The following TDRKH variants were observed in gnomAD, a reference collection of about 807,000 sequenced individuals.
TDRKH encodes tudor and KH domain containing, also known as tudor and KH domain-containing protein.
A neutral mutation model predicts 61.3 loss-of-function variants in TDRKH; 28 were observed. The ratio of observed to expected loss-of-function variants is 0.46; its 90% CI spans 0.34 to 0.63. The LOEUF is 0.63. Ranked by LOEUF, TDRKH falls within the 20% of genes least tolerant of loss-of-function variation. The probability of loss-of-function intolerance (pLI) is 0.01; values close to 1 mark genes in which losing one functional copy is unlikely to be tolerated. For synonymous variants in TDRKH, 219 were observed against 244.4 expected, an observed-to-expected ratio of 0.90 and a Z score of 0.97; for missense variants, 540 against 683.4, an observed-to-expected ratio of 0.79 and a Z score of 2.34.
chr1:151,779,787 G>GT (rs1649568530), intron 4 of TDRKH, 164 bp downstream of exon 4: 1 of 646,490 alleles, frequency 1.5e-6, no homozygotes, highest in African/African-American at 1.8e-5. Flanking sequence ...AACAGGTTTG[G>GT]TTTTACCACC....
In TDRKH at chr1:151,774,818, A is replaced by G. The variant is rs1179666061; in HGVS notation, c.1537-12T>C. 6.2e-7 allele frequency: 1 copy of G among 1,613,392 alleles called. No individual in the cohort carries two copies. Among genetic ancestry groups the G allele is most frequent in the African/African-American group, 1.3e-5 (1 of 74,896 alleles). On this transcript the variant is annotated splice_polypyrimidine_tract_variant and intron_variant, in intron 11 of 12. Coordinates refer to ENST00000368824, the MANE Select transcript of TDRKH (RefSeq NM_001083965.2). ...TCTGTTTCTGTGGCCTGAGTGGATG[A>G]AAACAGGAAAAAAGGAGGAACATGT...
chr1:151,770,129 AGGGAGC>A, downstream of TDRKH: 1 of 1,606,560 alleles, frequency 6.2e-7, no homozygotes, highest in Non-Finnish European at 8.5e-7. Context: ...GGAGAGGGAG[AGGGAGC>A]GGCCAAACAT....
rs961278741 is a variant in TDRKH, at chr1:151,790,123, C to T, written c.-28+257G>A. On this transcript the variant is annotated intron_variant, in intron 1 of 12. Coordinates refer to ENST00000368824, the MANE Select transcript of TDRKH (RefSeq NM_001083965.2). Reference sequence around the variant, plus strand: ...AGAGTCTGAACTGACTCAGGGCAAACACAAACGCTCCCGCACCGGGTCCGT... The same window carrying T: ...AGAGTCTGAACTGACTCAGGGCAAATACAAACGCTCCCGCACCGGGTCCGT... Among the ~76,000 whole-genome samples, 133 of 152,322 alleles carry T rather than the reference C, an allele frequency of 8.7e-4. 2 individuals carry two copies. The East Asian group carries it at 0.015, about 17-fold the overall frequency.
In TDRKH at chr1:151,774,302, T is replaced by G; in HGVS notation, c.*150A>C. The G allele has an allele frequency of 1.4e-6, 1 of 717,752 alleles. No homozygotes were observed. The highest frequency in any genetic ancestry group is 2.3e-6 in the Non-Finnish European group (1 of 439,766). 44.5% of individuals were successfully genotyped at this position (717,752 alleles called of 1,614,324 possible). Reference sequence around the variant, plus strand: ...GCAAGTTAAGCTGCAGGAAAGCAGCTGCAGAGAAGTATATTAAGACAGGGC... The same window carrying G: ...GCAAGTTAAGCTGCAGGAAAGCAGCGGCAGAGAAGTATATTAAGACAGGGC... On this transcript the variant is annotated 3_prime_UTR_variant, in exon 13 of 13. Transcript: ENST00000368824.
downstream of TDRKH, chr1:151,770,339 C>T: frequency 6.6e-7 from 1 of 1,513,766 alleles, no homozygotes; most frequent in Non-Finnish European, 8.8e-7. Context: ...CCCTCTTCCC[C>T]TGTCTTTAAA....
downstream of TDRKH, among the ~76,000 whole-genome samples, chr1:151,768,546 A>C (rs1439860153): frequency 2.6e-5 from 4 of 152,178 alleles, no homozygotes; most frequent in Non-Finnish European, 5.9e-5. Context: ...TCCAAGAAAA[A>C]TCTACCAAAA....
chr1:151,770,175 G>T, downstream of TDRKH: 1 of 1,613,770 alleles, frequency 6.2e-7, no homozygotes, highest in South Asian at 1.1e-5. Flanking sequence ...CTCCTAGTTT[G>T]ACTGCAACCC....
chr1:151,781,811 T>C lies in TDRKH; in HGVS notation c.125-224A>G, dbSNP rs532557508. 5.5e-4 allele frequency: 287 copies of C among 523,022 alleles called. 1 individual carries two copies. The highest frequency in any genetic ancestry group is 4.8e-3 in the African/African-American group (252 of 52,026). 32.4% of individuals were successfully genotyped at this position (523,022 alleles called of 1,614,324 possible). On this transcript the variant is annotated intron_variant, in intron 2 of 12. Transcript: ENST00000368824. ...TGGGACACTGTTTCAGATGCTAAAA[T>C]GGGAAAAGCAGATTCTGCAATAAAC...
chr1:151,775,921 C>T, intron 8 of TDRKH, 37 bp from the exon 9 acceptor site: 1 of 1,602,538 alleles, frequency 6.2e-7, no homozygotes, highest in Non-Finnish European at 8.5e-7. Context: ...ATCCTGGGGC[C>T]AAAAACATCT....
chr1:151,770,402 TGG>T, downstream of TDRKH: 1 of 1,243,604 alleles, frequency 8.0e-7, no homozygotes, highest in Non-Finnish European at 1.1e-6. Context: ...ACCACGAAGG[TGG>T]GAAGTTGTAA....
intron 6 of TDRKH, among the ~76,000 whole-genome samples, chr1:151,777,431 G>C (rs1196468208): frequency 6.6e-6 from 1 of 151,950 alleles, no homozygotes; most frequent in Non-Finnish European, 1.5e-5. Flanking sequence ...GGGAGACAGA[G>C]GAAGACTCTG....
chr1:151,783,853 G>A (rs969962879), intron 1 of TDRKH: 6 of 152,242 alleles, frequency 3.9e-5, no homozygotes, highest in African/African-American at 1.2e-4. Context: ...CAACAATGCT[G>A]CATCTGGCCT....
intron 2 of TDRKH, among the ~76,000 whole-genome samples, chr1:151,782,224 A>C (rs1305453716): frequency 6.6e-6 from 1 of 152,156 alleles, no homozygotes; most frequent in East Asian, 1.9e-4. Flanking sequence ...GCACTTTGGG[A>C]GGCCGAGGCA....
chr1:151,786,320 T>C (rs775958359), intron 1 of TDRKH, among the ~76,000 whole-genome samples: 5 of 152,178 alleles, frequency 3.3e-5, no homozygotes, highest in Non-Finnish European at 7.4e-5. Context: ...CTGAAAACTA[T>C]AGGTTTTTTC....
At chr1:151,787,889 C>G (rs928263630) in intron 1 of TDRKH, among the ~76,000 whole-genome samples, 2 of 149,426 alleles carry the variant, frequency 1.3e-5, no homozygotes, top group Non-Finnish European at 3.0e-5. Flanking sequence ...CTCAGGAGGC[C>G]GAGGTGGGAG....
chr1:151,767,142 T>G (rs143324057), downstream of TDRKH: 116 of 1,613,194 alleles, frequency 7.2e-5, no homozygotes, highest in African/African-American at 1.3e-3. Context: ...ATAAACTAAT[T>G]TGGGTCTCTT....
rs1400160798 is a variant in TDRKH, at chr1:151,783,069, G to C, written c.-27-20C>G. On this transcript the variant is annotated intron_variant, in intron 1 of 12. Transcript: ENST00000368824. ...TATATCCTGAAACAAGCAAAGCAGGGAAAAGAGGGAGGTTTCATCCAATCC... is the reference window on the plus strand; with the variant it reads ...TATATCCTGAAACAAGCAAAGCAGGCAAAAGAGGGAGGTTTCATCCAATCC... The C allele has an allele frequency of 3.1e-6, 5 of 1,594,328 alleles. No homozygotes were observed. The Admixed American group carries it at 5.2e-5, about 17-fold the overall frequency.
Position 151,781,317 on chromosome 1 carries a change from C to CAAAAAAAA in TDRKH, c.231+156_231+163dup, listed in dbSNP as rs58169893. ...GGACAACAAGAGCGAAACTCCATCT[C>CAAAAAAAA]AAAAAAAAAAAATATATATATATAT... is the stretch of plus-strand genomic sequence containing the variant. On this transcript the variant is annotated intron_variant, in intron 3 of 12. Coordinates refer to ENST00000368824, the MANE Select transcript of TDRKH (RefSeq NM_001083965.2). Among the ~76,000 whole-genome samples the CAAAAAAAA allele has an allele frequency of 3.2e-4, 21 of 64,734 alleles. No individual in the cohort carries two copies. In the East Asian group the frequency reaches 4.1e-3, roughly 13 times the overall value. The allele number at this position is 64,734 out of a possible 152,430, so 42.5% of individuals were successfully genotyped here.
intron 2 of TDRKH, chr1:151,781,985 A>G: frequency 2.2e-6 from 1 of 458,726 alleles, no homozygotes; most frequent in Non-Finnish European, 4.4e-6. Flanking sequence ...TATTCTCTAG[A>G]TCCAGCCTTT....
Sources: gnomAD v4.1 joint callset for allele counts (sites outside exome capture counted in the v4.1 genomes callset) on GRCh38, gnomAD v4.1.1 for gene constraint, MANE v1.5 for transcripts, NCBI Gene and HGNC (gene_info 2026-07-23, HGNC 2026-07-21) for gene names.